Variants in GABRA2 observed in about 807,000 individuals in gnomAD.
The protein encoded by GABRA2 is gamma-aminobutyric acid type A receptor subunit alpha2, also known as gamma-aminobutyric acid receptor subunit alpha-2.
A neutral mutation model predicts 48.7 loss-of-function variants in GABRA2; 16 were observed. The ratio of observed to expected loss-of-function variants is 0.33; its 90% CI spans 0.22 to 0.50. The LOEUF is 0.50. GABRA2 is among the 20% of genes least tolerant of loss of function. GABRA2 has a pLI of 0.98. For synonymous variants in GABRA2, 185 were observed against 184.5 expected, an observed-to-expected ratio of 1.00 and a Z score of -0.02; for missense variants, 275 against 535.6, an observed-to-expected ratio of 0.51 and a Z score of 4.80.
chr4:46,342,673 G>C (rs182488730), intron 3 of GABRA2, among the ~76,000 whole-genome samples: 1 of 151,942 alleles, frequency 6.6e-6, no homozygotes, highest in East Asian at 1.9e-4. Flanking sequence ...TTAGAGAAAA[G>C]GTCTTACTCT....
intron 8 of GABRA2, among the ~76,000 whole-genome samples, chr4:46,293,318 C>T (rs1463944640): frequency 1.3e-5 from 2 of 152,190 alleles, no homozygotes; most frequent in East Asian, 1.9e-4. Flanking sequence ...GACCCCACCA[C>T]ACTACCGACA....
intron 3 of GABRA2, among the ~76,000 whole-genome samples, chr4:46,362,322 G>T (rs972800614): frequency 2.0e-5 from 3 of 152,102 alleles, no homozygotes; most frequent in African/African-American, 7.2e-5. Context: ...CTCTCTGCCT[G>T]CTGCCATCCA....
At chr4:46,310,139 G>T in intron 6 of GABRA2, 34 bp downstream of exon 6, 1 of 1,522,230 alleles carries the variant, frequency 6.6e-7, no homozygotes, top group South Asian at 1.1e-5. Context: ...TGATATTATT[G>T]ACCCAAAACA....
intron 8 of GABRA2, among the ~76,000 whole-genome samples, chr4:46,265,818 T>C (rs1718100277): frequency 6.6e-6 from 1 of 152,042 alleles, no homozygotes; most frequent in Non-Finnish European, 1.5e-5. Flanking sequence ...TGGTTAGAGA[T>C]ACAAATTTCT....
chr4:46,259,255 G>A (rs1368484041), intron 9 of GABRA2, among the ~76,000 whole-genome samples: 2 of 151,872 alleles, frequency 1.3e-5, no homozygotes, highest in East Asian at 3.9e-4. Context: ...ATAAGAGCCT[G>A]GGGTTGCATA....
intron 8 of GABRA2, 21 bp from the exon 9 acceptor site, chr4:46,262,149 A>G: frequency 6.3e-7 from 1 of 1,599,784 alleles, no homozygotes; most frequent in Non-Finnish European, 8.6e-7. Flanking sequence ...AAAGATAGGA[A>G]TCGAAAACAT....
Position 46,389,825 on chromosome 4 carries a change from G to GAGAGAC in GABRA2, c.-102_-101insGTCTCT, listed in dbSNP as rs1718000094. The GAGAGAC allele has an allele frequency of 1.1e-6, 1 of 941,582 alleles. No homozygotes were observed. The highest frequency in any genetic ancestry group is 2.0e-5 in the African/African-American group (1 of 49,018). The allele number at this position is 941,582 out of a possible 1,614,324, so 58.3% of individuals were successfully genotyped here. A position where few individuals can be genotyped will look rare whatever the true frequency, so the allele number is the denominator to read the frequency against. Reference sequence around the variant, plus strand: ...TGGGAGAGAGAGAGAGAGAGAGAGAGAGAGAGAGAGAGAGAGAGAGAGAGA... The same window carrying GAGAGAC: ...TGGGAGAGAGAGAGAGAGAGAGAGAGAGAGACAGAGAGAGAGAGAGAGAGAGAGAGA... On this transcript the variant is annotated 5_prime_UTR_variant, in exon 1 of 10. Transcript: ENST00000381620.
At chr4:46,296,655 G>GAAAAAAAAAAAAAAAAAAAA (rs113049147) in intron 8 of GABRA2, among the ~76,000 whole-genome samples, 1 of 128,128 alleles carries the variant, frequency 7.8e-6, no homozygotes, top group South Asian at 2.3e-4. Flanking sequence ...TCTATCAGGG[G>GAAAAAAAAAAAAAAAAAAAA]GAAAAAAAAA....
At position 46,245,516 on chromosome 4, in the gene GABRA2, T is replaced by C. The variant is rs1713554775; in HGVS notation, c.*4792A>G. 6.6e-6 allele frequency among the ~76,000 whole-genome samples: 1 copy of C among 151,356 alleles called. No individual in the cohort carries two copies. Among genetic ancestry groups the C allele is most frequent in the South Asian group, 2.1e-4 (1 of 4,824 alleles). On this transcript the variant is annotated 3_prime_UTR_variant, in exon 10 of 10. Transcript: ENST00000381620. ...TTTAACCATATGCATAACTCAAACCTAATTCTAATTAATAAGTTTGTTATG... is the reference window on the plus strand; with the variant it reads ...TTTAACCATATGCATAACTCAAACCCAATTCTAATTAATAAGTTTGTTATG...
chr4:46,267,960 G>A (rs565987160), intron 8 of GABRA2, among the ~76,000 whole-genome samples: 4 of 151,952 alleles, frequency 2.6e-5, no homozygotes, highest in East Asian at 1.9e-4. Flanking sequence ...TTCTACAAAC[G>A]TTCCAAAATC....
intron 8 of GABRA2, among the ~76,000 whole-genome samples, chr4:46,302,937 C>T (rs1040512439): frequency 6.6e-6 from 1 of 152,062 alleles, no homozygotes; most frequent in African/African-American, 2.4e-5. Context: ...ATAAACTTTC[C>T]CCCAACTTTC....
At chr4:46,262,729 C>T (rs1300088910) in intron 8 of GABRA2, among the ~76,000 whole-genome samples, 1 of 151,906 alleles carries the variant, frequency 6.6e-6, no homozygotes, top group African/African-American at 2.4e-5. Context: ...GAAACCCCAT[C>T]TCTATTAAAA....
chr4:46,290,221 T>C (rs757263426), intron 8 of GABRA2, among the ~76,000 whole-genome samples: 33 of 152,100 alleles, frequency 2.2e-4, no homozygotes, highest in Middle Eastern at 6.8e-3. Flanking sequence ...ACCAGTTTTG[T>C]CTTAAATTTT....
intron 3 of GABRA2, among the ~76,000 whole-genome samples, chr4:46,360,102 T>C (rs1039502220): frequency 6.6e-6 from 1 of 152,126 alleles, no homozygotes; most frequent in African/African-American, 2.4e-5. Flanking sequence ...TACCAGGAAA[T>C]CAAATAATAT....
At chr4:46,286,715 T>C (rs760011930) in intron 8 of GABRA2, among the ~76,000 whole-genome samples, 2 of 152,160 alleles carry the variant, frequency 1.3e-5, no homozygotes, top group Admixed American at 6.5e-5. Flanking sequence ...TTGTACATAA[T>C]TTCATGTGCT....
At chr4:46,313,003 T>C (rs376017452) in intron 4 of GABRA2, among the ~76,000 whole-genome samples, 1 of 152,074 alleles carries the variant, frequency 6.6e-6, no homozygotes, top group East Asian at 1.9e-4. Context: ...ACTGCTCCAC[T>C]ACATCCTGTA....
At chr4:46,336,241 A>G (rs926921963) in intron 3 of GABRA2, among the ~76,000 whole-genome samples, 4 of 152,200 alleles carry the variant, frequency 2.6e-5, no homozygotes, top group Non-Finnish European at 5.9e-5. Flanking sequence ...AAAAATGGTC[A>G]TGCATAGCTG....
chr4:46,351,168 T>C (rs1048144751), intron 3 of GABRA2, among the ~76,000 whole-genome samples: 1 of 151,838 alleles, frequency 6.6e-6, no homozygotes, highest in Admixed American at 6.6e-5. Flanking sequence ...TATTAATACT[T>C]ATGATAAGTT....
chr4:46,257,053 C>T (rs780762650), intron 9 of GABRA2, among the ~76,000 whole-genome samples: 4 of 151,506 alleles, frequency 2.6e-5, no homozygotes, highest in Non-Finnish European at 5.9e-5. Context: ...GTACTAAATA[C>T]TGTGCTAAGT....
Sources: gnomAD v4.1 joint callset for allele counts (sites outside exome capture counted in the v4.1 genomes callset) on GRCh38, gnomAD v4.1.1 for gene constraint, MANE v1.5 for transcripts, NCBI Gene and HGNC (gene_info 2026-07-23, HGNC 2026-07-21) for gene names.